Variants in PHF21B observed in about 807,000 individuals in gnomAD.
The protein encoded by PHF21B is PHD finger protein 4.
Under a neutral mutation model 62.2 loss-of-function variants are expected in PHF21B, and 22 were observed. That is an observed-to-expected ratio of 0.35 (90% confidence interval 0.25 to 0.51). PHF21B has a LOEUF of 0.51. Ranked by LOEUF, PHF21B falls within the 20% of genes least tolerant of loss-of-function variation. PHF21B has a pLI of 0.97. For missense variants in PHF21B, 701 were observed against 707.9 expected (o/e 0.99, Z 0.11); for synonymous variants, 341 against 314.7 (o/e 1.08, Z -0.88).
chr22:44,914,275 A>G (rs2071397625), intron 4 of PHF21B, among the ~76,000 whole-genome samples, 187 bp from the exon 5 acceptor site: 1 of 151,936 alleles, frequency 6.6e-6, no homozygotes, highest in African/African-American at 2.4e-5. Context: ...CTCCTGACAC[A>G]CCTTTTCCAC....
At chr22:44,918,147 C>T (rs2071472151) in intron 3 of PHF21B, among the ~76,000 whole-genome samples, 1 of 152,270 alleles carries the variant, frequency 6.6e-6, no homozygotes, top group African/African-American at 2.4e-5. Flanking sequence ...CCTGCCGGCC[C>T]TCAGCTGGAG....
At chr22:44,895,042 G>C (rs896053025) in intron 6 of PHF21B, among the ~76,000 whole-genome samples, 1 of 152,240 alleles carries the variant, frequency 6.6e-6, no homozygotes, top group African/African-American at 2.4e-5. Flanking sequence ...CTTTGAAGAA[G>C]AGGAACGCTA....
chr22:44,888,779 C>T (rs2070906754), intron 9 of PHF21B, among the ~76,000 whole-genome samples: 1 of 152,250 alleles, frequency 6.6e-6, no homozygotes, highest in East Asian at 1.9e-4. Context: ...TCCCTGTCTC[C>T]ACCCCTTGTG....
chr22:44,928,815 GA>G (rs2071684152), intron 2 of PHF21B, among the ~76,000 whole-genome samples: 1 of 152,208 alleles, frequency 6.6e-6, no homozygotes, highest in African/African-American at 2.4e-5. Flanking sequence ...ACCCTCACTG[GA>G]CAAGGGTGGA....
At position 44,994,361 on chromosome 22, in the gene PHF21B, A is replaced by AAGACAGCCAGGTGT. The variant is rs1323654564; in HGVS notation, c.120+14170_120+14183dup. 3.3e-5 allele frequency among the ~76,000 whole-genome samples: 5 copies of AAGACAGCCAGGTGT among 152,336 alleles called. No homozygotes were observed. The South Asian group carries it at 1.0e-3, about 32-fold the overall frequency. ...AAGACTCCCAGACAGACCCTGAGGT[A>AAGACAGCCAGGTGT]AGACAGCCAGGTGTAGACAGAGGCA... On this transcript the variant is annotated intron_variant, in intron 2 of 12. Coordinates refer to ENST00000313237, the MANE Select transcript of PHF21B (RefSeq NM_138415.5).
At chr22:44,992,979 C>G (rs2073065277) in intron 2 of PHF21B, among the ~76,000 whole-genome samples, 1 of 152,192 alleles carries the variant, frequency 6.6e-6, no homozygotes. Context: ...TTACCCAAAT[C>G]CACCAAGTCC....
intron 6 of PHF21B, 63 bp from the exon 7 acceptor site, chr22:44,893,596 C>T: frequency 6.7e-7 from 1 of 1,490,168 alleles, no homozygotes; most frequent in Non-Finnish European, 9.1e-7. Context: ...CAAATGCTTC[C>T]TTGCCAAGCC....
At chr22:44,889,542 G>A (rs2070922880) in intron 9 of PHF21B, among the ~76,000 whole-genome samples, 1 of 152,216 alleles carries the variant, frequency 6.6e-6, no homozygotes, top group South Asian at 2.1e-4. Flanking sequence ...GTTTGAAGCT[G>A]AGAGCAGAGC....
At chr22:44,893,573 G>T in intron 6 of PHF21B, 40 bp from the exon 7 acceptor site, 2 of 1,557,092 alleles carry the variant, frequency 1.3e-6, no homozygotes, top group Non-Finnish European at 1.7e-6. Flanking sequence ...GGTCCTGCCT[G>T]CCCTGGGAAC....
At chr22:44,963,635 T>C (rs1830129359) in intron 2 of PHF21B, among the ~76,000 whole-genome samples, 1 of 152,218 alleles carries the variant, frequency 6.6e-6, no homozygotes, top group Admixed American at 6.5e-5. Flanking sequence ...CCGCAGACTT[T>C]GTTTTAACTC....
intron 2 of PHF21B, among the ~76,000 whole-genome samples, chr22:44,987,495 C>T (rs1269682728): frequency 6.6e-6 from 1 of 152,156 alleles, no homozygotes; most frequent in African/African-American, 2.4e-5. Flanking sequence ...CACAGCGGTG[C>T]AAGGGTGCTT....
intron 3 of PHF21B, among the ~76,000 whole-genome samples, chr22:44,919,355 C>T (rs1047033484): frequency 6.6e-5 from 10 of 152,172 alleles, no homozygotes; most frequent in Admixed American, 2.6e-4. Context: ...TAAAACAGTA[C>T]GAGAGTTTTT....
intron 2 of PHF21B, among the ~76,000 whole-genome samples, chr22:44,960,011 G>A (rs1194005358): frequency 2.0e-5 from 3 of 152,212 alleles, no homozygotes; most frequent in African/African-American, 7.2e-5. Context: ...CCTCCGCTGT[G>A]TGACCTCAGC....
At chr22:44,902,213 C>T (rs757822581) in intron 5 of PHF21B, 2 of 196,362 alleles carry the variant, frequency 1.0e-5, no homozygotes, top group Admixed American at 5.7e-5. Context: ...TTAATTCAAG[C>T]AGCAGCAGCT....
rs141089083 is a variant in PHF21B, at chr22:44,930,091, C to G, written c.121-9601G>C. Among the ~76,000 whole-genome samples, 890 of 152,360 alleles carry G rather than the reference C, an allele frequency of 5.8e-3. 3 individuals are homozygous for G. The highest frequency in any genetic ancestry group is 0.02 in the Middle Eastern group (6 of 294). ...CGGGTCACCAAGAGTGTGGAAGACA[C>G]CCCTCGGGGTGAACAACACGAGCAC... On this transcript the variant is annotated intron_variant, in intron 2 of 12. Coordinates refer to ENST00000313237, the MANE Select transcript of PHF21B (RefSeq NM_138415.5).
intron 2 of PHF21B, among the ~76,000 whole-genome samples, chr22:44,945,870 A>G (rs78076060): frequency 0.016 from 2,495 of 152,222 alleles, 52 homozygotes; most frequent in African/African-American, 0.053. Context: ...CTCAGGCCCC[A>G]GGCAGTGAGA....
intron 2 of PHF21B, among the ~76,000 whole-genome samples, chr22:44,969,454 T>C (rs1468356989): frequency 6.6e-6 from 1 of 152,068 alleles, no homozygotes; most frequent in East Asian, 1.9e-4. Flanking sequence ...TCACTTGAGG[T>C]CAGGAGCCCA....
intron 2 of PHF21B, among the ~76,000 whole-genome samples, chr22:44,921,289 C>T (rs1438019619): frequency 6.6e-6 from 1 of 152,162 alleles, no homozygotes; most frequent in Non-Finnish European, 1.5e-5. Flanking sequence ...TTGTGGGGTG[C>T]TCACTTGTCT....
At chr22:44,982,617 A>G (rs913924876) in intron 2 of PHF21B, among the ~76,000 whole-genome samples, 3 of 152,204 alleles carry the variant, frequency 2.0e-5, no homozygotes, top group African/African-American at 4.8e-5. Context: ...AGAGACGCAC[A>G]TAACCAAGAA....
Sources: gnomAD v4.1 joint callset for allele counts (sites outside exome capture counted in the v4.1 genomes callset) on GRCh38, gnomAD v4.1.1 for gene constraint, MANE v1.5 for transcripts, NCBI Gene and HGNC (gene_info 2026-07-23, HGNC 2026-07-21) for gene names.